TCF7: variants seen among roughly 807,000 people sequenced by gnomAD.
The protein encoded by TCF7 is T-cell-factor-7.
Under a neutral mutation model 46.8 loss-of-function variants are expected in TCF7, and 19 were observed. The observed-to-expected ratio is 0.41, with a 90% CI of 0.28 to 0.60. The LOEUF (loss-of-function observed/expected upper bound fraction) is 0.60, where lower values mean the gene tolerates loss of function less well. TCF7 is among the 20% of genes least tolerant of loss of function. The pLI is 0.35. For missense variants in TCF7, 547 were observed against 504.6 expected, an observed-to-expected ratio of 1.08 and a Z score of -0.81; for synonymous variants, 245 against 213.4, an observed-to-expected ratio of 1.15 and a Z score of -1.29.
rs1760907629 is a variant in TCF7 at position 134,148,020 on chromosome 5, C to T, written c.*1717C>T. 1.3e-5 allele frequency: 2 copies of T among 149,484 alleles called. No homozygotes were observed. Among genetic ancestry groups the T allele is most frequent in the African/African-American group, 4.9e-5 (2 of 40,506 alleles). 9.3% of individuals were successfully genotyped at this position (149,484 alleles called of 1,614,324 possible). ...AAAGGGCTGTCCATGTATTCACACA[C>T]CCCTCAAAAAAAGCCTTTAGTTCCT... On this transcript the variant is annotated 3_prime_UTR_variant, in exon 10 of 10. Coordinates refer to ENST00000342854, the MANE Select transcript of TCF7 (RefSeq NM_003202.5).
chr5:134,146,000 A>G lies in TCF7; in HGVS notation c.1076-224A>G, dbSNP rs961151511. Reference sequence around the variant, plus strand: ...ATGACAGCCCATAGGCCTAGTGACAAAAGGCCCCTTTGCCACCTTGTGGCT... The same window carrying G: ...ATGACAGCCCATAGGCCTAGTGACAGAAGGCCCCTTTGCCACCTTGTGGCT... On this transcript the variant is annotated intron_variant, in intron 9 of 9. Coordinates refer to ENST00000342854, the MANE Select transcript of TCF7 (RefSeq NM_003202.5). 1.2e-5 allele frequency: 18 copies of G among 1,482,450 alleles called. No homozygotes were observed. The African/African-American group carries it at 1.6e-4, about 13-fold the overall frequency. The allele number at this position is 1,482,450 out of a possible 1,614,324, so 91.8% of individuals were successfully genotyped here. A position where few individuals can be genotyped will look rare whatever the true frequency, so the allele number is the denominator to read the frequency against.
At chr5:134,135,906 T>C (rs1195621812) in intron 3 of TCF7, among the ~76,000 whole-genome samples, 1 of 152,208 alleles carries the variant, frequency 6.6e-6, no homozygotes, top group Non-Finnish European at 1.5e-5. Flanking sequence ...GAAGAAACTC[T>C]TTCAAGGAAG....
At chr5:134,110,303 G>A (rs1366649641), upstream of TCF7, among the ~76,000 whole-genome samples, 2 of 152,170 alleles carry the variant, frequency 1.3e-5, no homozygotes, top group African/African-American at 4.8e-5. Flanking sequence ...TCCGAGGGAT[G>A]GAGCAGGAGG....
At chr5:134,136,513 G>GA (rs1201136801) in intron 3 of TCF7, among the ~76,000 whole-genome samples, 1 of 152,142 alleles carries the variant, frequency 6.6e-6, no homozygotes, top group Non-Finnish European at 1.5e-5. Flanking sequence ...CCGGAGGCAG[G>GA]AATGTGAGGA....
rs1755577666 is a variant in TCF7 at position 134,114,863 on chromosome 5, C to T, written c.-44C>T. Reference sequence around the variant, plus strand: ...CCCCGGGCCGGCTCCGCGCCCCGCACTCCCGGCGCCCAGCGCCCCGCGCCC... The same window carrying T: ...CCCCGGGCCGGCTCCGCGCCCCGCATTCCCGGCGCCCAGCGCCCCGCGCCC... On this transcript the variant is annotated 5_prime_UTR_variant, in exon 1 of 10. Transcript: ENST00000342854. 1.8e-5 allele frequency: 18 copies of T among 983,740 alleles called. No individual in the cohort carries two copies. In the South Asian group the frequency reaches 7.8e-4, roughly 43 times the overall value. The allele number at this position is 983,740 out of a possible 1,614,324, so 60.9% of individuals were successfully genotyped here. A position where few individuals can be genotyped will look rare whatever the true frequency, so the allele number is the denominator to read the frequency against.
At chr5:134,115,553 G>C (rs1755686252) in intron 2 of TCF7, 166 bp downstream of exon 2, 6 of 1,440,238 alleles carry the variant, frequency 4.2e-6, no homozygotes, top group South Asian at 1.5e-5. Flanking sequence ...GGGCGCCGCC[G>C]GGTCGAGTCA....
At chr5:134,108,340 T>C in the TCF7 span, among the ~76,000 whole-genome samples, 1 of 152,074 alleles carries the variant, frequency 6.6e-6, no homozygotes, top group Admixed American at 6.5e-5. Context: ...GCTTGGCCCA[T>C]GTTAGTATCC....
At chr5:134,115,665 A>G in intron 2 of TCF7, 1 of 1,427,084 alleles carries the variant, frequency 7.0e-7, no homozygotes, top group Non-Finnish European at 9.1e-7. Context: ...AGGAGACAGA[A>G]TTGGCCAAGG....
intron 3 of TCF7, among the ~76,000 whole-genome samples, chr5:134,121,643 C>G (rs1295579925): frequency 2.6e-5 from 4 of 151,980 alleles, no homozygotes; most frequent in Non-Finnish European, 5.9e-5. Context: ...GAAGCCGTGG[C>G]CACCCTGTGC....
Position 134,115,123 on chromosome 5 carries a change from G to C in TCF7, c.217G>C (p.Gly73Arg). The change falls in exon 1 of 10, where the codon GGG becomes CGG. Residue 73 changes from glycine (G) to arginine (R), a missense_variant. Physicochemically the swap from Gly to Arg is moderately radical, Grantham distance 125 (BLOSUM62 -2). Coordinates refer to ENST00000342854, the MANE Select transcript of TCF7 (RefSeq NM_003202.5). Reference sequence around the variant, plus strand: ...CGGCGCAGGGATCCCGGGGGTCCCGGGGGCCGGCGCCGGGGCCCGCGGCGA... The same window carrying C: ...CGGCGCAGGGATCCCGGGGGTCCCGCGGGCCGGCGCCGGGGCCCGCGGCGA... ...AGGAGIPGVPGAGAGARGEAE... is the reference protein window; with the variant it reads ...AGGAGIPGVPRAGAGARGEAE... The C allele has an allele frequency of 9.8e-7, 1 of 1,019,056 alleles. No individual in the cohort carries two copies. 63.1% of individuals were successfully genotyped at this position (1,019,056 alleles called of 1,614,324 possible).
chr5:134,118,816 CTG>C (rs904848892), intron 3 of TCF7, among the ~76,000 whole-genome samples: 1 of 152,146 alleles, frequency 6.6e-6, no homozygotes, highest in African/African-American at 2.4e-5. Context: ...AGGTCTCACT[CTG>C]TTGCCCAGGC....
At chr5:134,114,633 G>C (rs2149259896), upstream of TCF7, 1 of 151,746 alleles carries the variant, frequency 6.6e-6, no homozygotes, top group South Asian at 2.1e-4. Context: ...GCGGACCTGT[G>C]TCCCGCCCCC....
intron 3 of TCF7, among the ~76,000 whole-genome samples, chr5:134,136,890 G>A (rs888763069): frequency 1.3e-5 from 2 of 152,204 alleles, no homozygotes; most frequent in African/African-American, 2.4e-5. Context: ...AGGAGTCAGA[G>A]ATCACTCATC....
chr5:134,138,584 G>A lies in TCF7; in HGVS notation c.548-367G>A, dbSNP rs186303493. The A allele has an allele frequency of 9.8e-4, 275 of 281,738 alleles. 7 individuals carry two copies. The East Asian group carries it at 0.015, about 16-fold the overall frequency. 17.5% of individuals were successfully genotyped at this position (281,738 alleles called of 1,614,324 possible). The stretch of plus-strand genomic sequence containing the variant: ...CCTGCTGACTCAACCCTGGGGGGCA[G>A]GTGGAGCCTTGGCTCCCCAGGCTGG... On this transcript the variant is annotated intron_variant, in intron 4 of 9. Transcript: ENST00000342854.
At chr5:134,121,450 G>A (rs925933714) in intron 3 of TCF7, among the ~76,000 whole-genome samples, 3 of 152,048 alleles carry the variant, frequency 2.0e-5, no homozygotes, top group African/African-American at 7.2e-5. Flanking sequence ...CGGGCATGGT[G>A]GCACACGCCT....
rs1175531668 is a variant in TCF7 at position 134,114,954 on chromosome 5, C to T, written c.48C>T (p.Asp16=). The T allele has an allele frequency of 2.6e-6, 3 of 1,150,938 alleles. No individual in the cohort carries two copies. In the Admixed American group the frequency reaches 1.0e-4, roughly 39 times the overall value. 71.3% of individuals were successfully genotyped at this position (1,150,938 alleles called of 1,614,324 possible). A position where few individuals can be genotyped will look rare whatever the true frequency, so the allele number is the denominator to read the frequency against. Residue 16 remains aspartate, a synonymous_variant, in exon 1 of 10, where the codon GAC becomes GAT. Coordinates refer to ENST00000342854, the MANE Select transcript of TCF7 (RefSeq NM_003202.5). ...GGGGCGGCGCGGGCGGCGGCGACGA[C>T]CTCGGCGCGCCGGACGAGCTGCTGG... The part of the protein sequence containing the change: ...SGGGGAGGGD[D]LGAPDELLAF...
intron 3 of TCF7, among the ~76,000 whole-genome samples, chr5:134,120,711 T>C (rs965068374): frequency 1.3e-5 from 2 of 152,260 alleles, no homozygotes; most frequent in Admixed American, 1.3e-4. Flanking sequence ...AGGACCCTCC[T>C]CATCCCTTGG....
At chr5:134,144,863 C>T (rs751359915) in intron 9 of TCF7, 12 of 1,613,928 alleles carry the variant, frequency 7.4e-6, no homozygotes, top group Admixed American at 5.0e-5. Context: ...TGGTGTGGTC[C>T]GTGCAGGTGG....
upstream of TCF7, among the ~76,000 whole-genome samples, chr5:134,111,020 A>C (rs1273615898): frequency 6.6e-6 from 1 of 152,246 alleles, no homozygotes. Flanking sequence ...GGAATGCACC[A>C]GGCTGCTGTT....
Sources: allele counts gnomAD v4.1 joint callset (sites outside exome capture counted in the v4.1 genomes callset), GRCh38; gene constraint gnomAD v4.1.1; transcripts MANE v1.5; gene names NCBI Gene and HGNC (gene_info 2026-07-23, HGNC 2026-07-21).